Variants in SOX5 observed in about 807,000 individuals in gnomAD.
The protein encoded by SOX5 is transcription factor SOX-5.
In SOX5, 9 loss-of-function variants were observed where a neutral mutation model predicts 92.0. That is an observed-to-expected ratio of 0.10 (90% CI 0.06 to 0.17). SOX5 has a LOEUF of 0.17. Ranked by LOEUF, SOX5 falls within the 10% of genes least tolerant of loss-of-function variation. The pLI is 1.00. For synonymous variants in SOX5, 344 were observed against 336.3 expected (o/e 1.02, Z -0.25); for missense variants, 642 against 944.5 (o/e 0.68, Z 4.20).
chr12:24,557,903 G>T (rs1176363190), intron 1 of SOX5, among the ~76,000 whole-genome samples: 1 of 152,102 alleles, frequency 6.6e-6, no homozygotes, highest in African/African-American at 2.4e-5. Flanking sequence ...TTATTTAATG[G>T]TTATTTACAT....
intron 4 of SOX5, among the ~76,000 whole-genome samples, chr12:23,957,353 C>T (rs754848128): frequency 2.0e-5 from 3 of 152,076 alleles, no homozygotes; most frequent in Non-Finnish European, 4.4e-5. Flanking sequence ...GAAAAAATTT[C>T]GTGCCTGAGA....
Position 24,144,290 on chromosome 12 carries a change from G to A in SOX5, c.-2+69053C>T, listed in dbSNP as rs561647223. Among the ~76,000 whole-genome samples the A allele has an allele frequency of 4.4e-4, 67 of 152,214 alleles. No individual in the cohort carries two copies. The East Asian group carries it at 0.012, about 27-fold the overall frequency. ...TAACACCAGCAGATCCATCACACAA[G>A]AAATTTGAAAGGAAGTCCTTTAAGC... is the stretch of plus-strand genomic sequence containing the variant. On this transcript the variant is annotated intron_variant, in intron 4 of 4. Coordinates refer to the SOX5 transcript ENST00000446891.
chr12:24,028,732 A>C (rs1955164888), intron 4 of SOX5, among the ~76,000 whole-genome samples: 1 of 152,026 alleles, frequency 6.6e-6, no homozygotes, highest in Admixed American at 6.6e-5. Flanking sequence ...TAATGAATGT[A>C]TGCCTCTGTG....
At chr12:23,885,671 A>G (rs781592850) in intron 2 of SOX5, among the ~76,000 whole-genome samples, 8 of 152,124 alleles carry the variant, frequency 5.3e-5, no homozygotes, top group Non-Finnish European at 7.3e-5. Context: ...GCTTACATGG[A>G]TCATTCCTAA....
At chr12:23,975,837 C>T (rs1340058592) in intron 4 of SOX5, among the ~76,000 whole-genome samples, 1 of 152,110 alleles carries the variant, frequency 6.6e-6, no homozygotes, top group Non-Finnish European at 1.5e-5. Context: ...TAGTTTTATA[C>T]TCTGTGACTT....
chr12:23,603,236 C>T (rs2074748478), intron 9 of SOX5, among the ~76,000 whole-genome samples: 1 of 151,664 alleles, frequency 6.6e-6, no homozygotes, highest in South Asian at 2.1e-4. Context: ...TGAAAGACAT[C>T]CTGACAGAGC....
Position 24,135,254 on chromosome 12 carries a change from G to T in SOX5, c.-2+78089C>A, listed in dbSNP as rs115027433. Among the ~76,000 whole-genome samples, 982 of 152,124 alleles carry T rather than the reference G, an allele frequency of 6.5e-3. 10 individuals carry two copies. The highest frequency in any genetic ancestry group is 0.037 in the South Asian group (177 of 4,820). On this transcript the variant is annotated intron_variant, in intron 4 of 4. Transcript: ENST00000446891. ...CAAGTTAATTCCCACTTCCAATCCC[G>T]CCTCAGATATAGCAACCAATCCAAA...
chr12:23,927,294 C>G (rs546602049), intron 1 of SOX5, among the ~76,000 whole-genome samples: 1 of 152,236 alleles, frequency 6.6e-6, no homozygotes, highest in Non-Finnish European at 1.5e-5. Flanking sequence ...ATCCTTTCCA[C>G]TGGAGGTATA....
At chr12:23,567,255 T>C (rs1011409295) in intron 10 of SOX5, among the ~76,000 whole-genome samples, 1 of 152,052 alleles carries the variant, frequency 6.6e-6, no homozygotes, top group South Asian at 2.1e-4. Context: ...CAAGCAACAA[T>C]TGCATCTAAA....
At chr12:24,046,078 T>C (rs1034367468) in intron 4 of SOX5, among the ~76,000 whole-genome samples, 40 of 152,344 alleles carry the variant, frequency 2.6e-4, no homozygotes, top group Admixed American at 2.5e-3. Flanking sequence ...AGATTTATTT[T>C]ATCTGGCTTG....
At chr12:24,373,743 A>G (rs930592297) in intron 1 of SOX5, among the ~76,000 whole-genome samples, 1 of 152,204 alleles carries the variant, frequency 6.6e-6, no homozygotes, top group Non-Finnish European at 1.5e-5. Flanking sequence ...GAATATTGAA[A>G]TTATTTACTT....
At chr12:23,651,812 A>G (rs769971371) in intron 7 of SOX5, among the ~76,000 whole-genome samples, 12 of 151,902 alleles carry the variant, frequency 7.9e-5, no homozygotes, top group Non-Finnish European at 1.8e-4. Context: ...CCAAAGTAGG[A>G]GGTACAACAG....
intron 3 of SOX5, among the ~76,000 whole-genome samples, chr12:23,804,916 TATATATA>T (rs1267042062): frequency 0.012 from 39 of 3,294 alleles, no homozygotes; most frequent in African/African-American, 0.019. Context: ...ATCATTGTTT[TATATATA>T]TATATATATA....
chr12:24,281,694 C>T (rs1231930720), intron 2 of SOX5, among the ~76,000 whole-genome samples: 1 of 152,202 alleles, frequency 6.6e-6, no homozygotes, highest in East Asian at 1.9e-4. Context: ...ATAAGCAATG[C>T]AAATGCAAAG....
intron 7 of SOX5, among the ~76,000 whole-genome samples, chr12:23,646,119 G>A (rs2080816717): frequency 1.3e-5 from 2 of 152,172 alleles, no homozygotes; most frequent in Admixed American, 6.5e-5. Context: ...GCTGCTGACT[G>A]ATCAGGATGG....
intron 6 of SOX5, among the ~76,000 whole-genome samples, chr12:23,685,111 T>C (rs923680879): frequency 9.2e-5 from 14 of 152,160 alleles, no homozygotes; most frequent in African/African-American, 3.1e-4. Flanking sequence ...CAAAGTTGTC[T>C]ATAGTGAACT....
In SOX5 at chr12:23,940,604, G is replaced by T. The variant is rs544975052; in HGVS notation, c.38+8960C>A. On this transcript the variant is annotated intron_variant, in intron 1 of 14. Transcript: ENST00000451604. ...CAAAGAGGTCTCAGTTTTTAAAGAAGAACTAGAACTTGAGATCTTAACATC... is the reference window on the plus strand; with the variant it reads ...CAAAGAGGTCTCAGTTTTTAAAGAATAACTAGAACTTGAGATCTTAACATC... Among the ~76,000 whole-genome samples, 3 of 151,346 alleles carry T rather than the reference G, an allele frequency of 2.0e-5. No homozygotes were observed. The East Asian group carries it at 5.8e-4, about 29-fold the overall frequency.
At chr12:23,880,788 A>C (rs991060765) in intron 2 of SOX5, among the ~76,000 whole-genome samples, 1 of 152,232 alleles carries the variant, frequency 6.6e-6, no homozygotes, top group Non-Finnish European at 1.5e-5. Context: ...AGCAAATCTT[A>C]CGGAAAGCAA....
At chr12:24,398,306 A>G (rs1960590650) in intron 1 of SOX5, among the ~76,000 whole-genome samples, 3 of 152,218 alleles carry the variant, frequency 2.0e-5, no homozygotes, top group South Asian at 2.1e-4. Context: ...AGTTTGAGAC[A>G]AGCCTGAGCA....
Sources: allele counts gnomAD v4.1 joint callset (sites outside exome capture counted in the v4.1 genomes callset), GRCh38; gene constraint gnomAD v4.1.1; transcripts MANE v1.5; gene names NCBI Gene and HGNC (gene_info 2026-07-23, HGNC 2026-07-21).